Variants in HERC1 observed in about 807,000 individuals in gnomAD.
The protein encoded by HERC1 is probable E3 ubiquitin-protein ligase HERC1.
HERC1 carries 160 observed loss-of-function variants against 554.3 expected under a neutral mutation model. That is an observed-to-expected ratio of 0.29 (90% CI 0.25 to 0.33). The LOEUF is 0.33. Among genes scored for constraint, HERC1 ranks in the 10% least tolerant of loss-of-function variants. HERC1 has a pLI of 1.00. For synonymous variants in HERC1, 2,175 were observed against 2,131.7 expected (o/e 1.02, Z -0.56); for missense variants, 4,919 against 5,918.5 (o/e 0.83, Z 5.54).
intron 1 of HERC1, among the ~76,000 whole-genome samples, chr15:63,795,249 G>A (rs1354776892): frequency 6.6e-6 from 1 of 151,896 alleles, no homozygotes; most frequent in East Asian, 1.9e-4. Flanking sequence ...AGTTACTAAA[G>A]CTTGCCTTTT....
chr15:63,729,312 G>A lies in HERC1; in HGVS notation c.3078C>T (p.Ala1026=). Residue 1026 remains alanine, a synonymous_variant, in exon 16 of 78, where the codon GCC becomes GCT. Coordinates refer to ENST00000443617, the MANE Select transcript of HERC1 (RefSeq NM_003922.4). ...HKHLQLLLPH[A]TDIYSRSANL... is the part of the protein sequence containing the mutation. Reference sequence around the variant, plus strand: ...TTGCAGAACGTGAATAAATATCTGTGGCATGAGGCAACAAAAGCTGAAGAT... The same window carrying A: ...TTGCAGAACGTGAATAAATATCTGTAGCATGAGGCAACAAAAGCTGAAGAT... 2.5e-6 allele frequency: 4 copies of A among 1,611,186 alleles called. No individual in the cohort carries two copies. The highest frequency in any genetic ancestry group is 3.4e-6 in the Non-Finnish European group (4 of 1,178,580).
At chr15:63,619,891 CTTT>C (rs1297071057) in intron 74 of HERC1, among the ~76,000 whole-genome samples, 3 of 151,932 alleles carry the variant, frequency 2.0e-5, no homozygotes, top group Non-Finnish European at 4.4e-5. Context: ...CTCTTTTCTT[CTTT>C]ATTAGTCTTG....
At chr15:63,766,123 GCTT>G (rs1290652844) in intron 2 of HERC1, among the ~76,000 whole-genome samples, 21 of 151,794 alleles carry the variant, frequency 1.4e-4, no homozygotes, top group Non-Finnish European at 2.5e-4. Context: ...TACTAATAAA[GCTT>G]ATTATTAAGG....
intron 19 of HERC1, 51 bp downstream of exon 19, chr15:63,723,131 G>C: frequency 4.3e-6 from 5 of 1,172,494 alleles, no homozygotes; most frequent in Non-Finnish European, 5.6e-6. Flanking sequence ...ATATATTTGC[G>C]AGCATTATGA....
At chr15:63,643,221 C>G (rs544735222) in intron 58 of HERC1, among the ~76,000 whole-genome samples, 163 bp from the exon 59 acceptor site, 29 of 152,294 alleles carry the variant, frequency 1.9e-4, no homozygotes, top group African/African-American at 7.0e-4. Context: ...TAGGACACAG[C>G]TGATTTTAAA....
At chr15:63,759,936 T>C (rs1162935392) in intron 3 of HERC1, among the ~76,000 whole-genome samples, 1 of 152,176 alleles carries the variant, frequency 6.6e-6, no homozygotes, top group Non-Finnish European at 1.5e-5. Context: ...CAGTCCCTAA[T>C]AAAAGGTCTG....
At chr15:63,731,543 C>T (rs1181620472) in intron 14 of HERC1, among the ~76,000 whole-genome samples, 1 of 152,016 alleles carries the variant, frequency 6.6e-6, no homozygotes, top group Non-Finnish European at 1.5e-5. Context: ...TGTTCTTATC[C>T]ATTTGCAGCC....
At chr15:63,773,705 G>C (rs554121461) in intron 2 of HERC1, among the ~76,000 whole-genome samples, 1 of 151,358 alleles carries the variant, frequency 6.6e-6, no homozygotes, top group African/African-American at 2.4e-5. Flanking sequence ...CACCACACCC[G>C]GATAATTTTT....
At chr15:63,629,428 A>G (rs1474689791) in intron 69 of HERC1, among the ~76,000 whole-genome samples, 1 of 152,254 alleles carries the variant, frequency 6.6e-6, no homozygotes, top group Non-Finnish European at 1.5e-5. Context: ...AAGTAATAAC[A>G]GAATGATCTA....
intron 77 of HERC1, among the ~76,000 whole-genome samples, chr15:63,610,615 G>C (rs1334424223): frequency 1.3e-5 from 2 of 152,194 alleles, no homozygotes; most frequent in African/African-American, 2.4e-5. Flanking sequence ...TTATGGAAAG[G>C]CTCTTTTATA....
chr15:63,771,047 G>C, intron 2 of HERC1, among the ~76,000 whole-genome samples: 1 of 152,064 alleles, frequency 6.6e-6, no homozygotes, highest in East Asian at 1.9e-4. Context: ...AAATTAGCCA[G>C]GCATGATAGC....
At chr15:63,644,651 T>G (rs1308060119) in intron 57 of HERC1, among the ~76,000 whole-genome samples, 1 of 152,226 alleles carries the variant, frequency 6.6e-6, no homozygotes. Context: ...GCAAGGATTC[T>G]GGCATCAGTT....
chr15:63,699,271 A>G (rs1189276571), intron 25 of HERC1, among the ~76,000 whole-genome samples: 2 of 152,232 alleles, frequency 1.3e-5, no homozygotes, highest in African/African-American at 4.8e-5. Flanking sequence ...CACAAGAAAA[A>G]GAAAGGCAGA....
At chr15:63,634,022 TC>T (rs1566957655) in intron 66 of HERC1, 52 bp from the exon 67 acceptor site, 2 of 1,598,072 alleles carry the variant, frequency 1.3e-6, no homozygotes, top group East Asian at 4.5e-5. Context: ...TAAAACACAC[TC>T]CCCCGTTTCT....
chr15:63,723,198 G>C lies in HERC1; in HGVS notation c.3726C>G (p.Asp1242Glu). The change falls in exon 19 of 78, where the codon GAC becomes GAG. Residue 1242 changes from aspartate (D) to glutamate (E), a missense_variant. Around this residue, in one of 11 missense-constraint regions of HERC1, gnomAD observed 1,121 missense variants for 1,244.0 expected, o/e 0.90. Coordinates refer to ENST00000443617, the MANE Select transcript of HERC1 (RefSeq NM_003922.4). The stretch of plus-strand genomic sequence containing the variant: ...TTATCTTACCTTTACTAACAGCATA[G>C]TCCTGCATGCTGATCCAAAGGCTTC... ...PARSLWISMQ[D>E]YAVSKDWDSA... 1 of 1,556,880 alleles carries C rather than the reference G, an allele frequency of 6.4e-7. No homozygotes were observed. Among genetic ancestry groups the C allele is most frequent in the East Asian group, 2.3e-5 (1 of 43,788 alleles).
In HERC1 at chr15:63,690,647, C is replaced by T. The variant is rs761222484; in HGVS notation, c.5831G>A (p.Gly1944Asp). ...LNIASQKCSS[G>D]IPLVGNLRTR... The stretch of plus-strand genomic sequence containing the variant: ...TCTTAAGTTACCAACCAGAGGGATA[C>T]CTGGAGGGGAAAAGACCTTTTCTTA... The change falls in exon 32 of 78, where the codon GGT becomes GAT. Residue 1944 changes from glycine (G) to aspartate (D), a missense_variant and splice_region_variant. Coordinates refer to ENST00000443617, the MANE Select transcript of HERC1 (RefSeq NM_003922.4). The T allele has an allele frequency of 1.3e-6, 2 of 1,560,570 alleles. No individual in the cohort carries two copies. The highest frequency in any genetic ancestry group is 1.4e-5 in the African/African-American group (1 of 73,484).
intron 1 of HERC1, among the ~76,000 whole-genome samples, chr15:63,833,505 ACGTTGTAAGCCGCTGGAGGGG>A (rs1419655182): frequency 6.6e-6 from 1 of 151,958 alleles, no homozygotes; most frequent in Non-Finnish European, 1.5e-5. Context: ...CGGGGCACAG[ACGTTGTAAGCCGCTGGAGGGG>A]CGGGTCTCTC....
At position 63,678,000 on chromosome 15, in the gene HERC1, G is replaced by A. The variant is rs183440649; in HGVS notation, c.6915C>T (p.Pro2305=). The part of the protein sequence containing the change: ...QLRTLCIEVW[P]VLAVIGGVDA... ...CAACTCCTCCTATCACAGCCAGCACGGGCCACACCTCTATGCAAAGAGTCC... is the reference window on the plus strand; with the variant it reads ...CAACTCCTCCTATCACAGCCAGCACAGGCCACACCTCTATGCAAAGAGTCC... Residue 2305 remains proline (P), a synonymous_variant, in exon 37 of 78, where the codon CCC becomes CCT. Transcript: ENST00000443617. The surrounding 1 kb of genome is among the most constrained non-coding windows in gnomAD (Gnocchi z 4.4). The A allele has an allele frequency of 1.4e-5, 23 of 1,613,884 alleles. No homozygotes were observed. The highest frequency in any genetic ancestry group is 1.1e-4 in the East Asian group (5 of 44,876).
chr15:63,783,050 T>C (rs1272541923), intron 1 of HERC1, among the ~76,000 whole-genome samples: 1 of 152,248 alleles, frequency 6.6e-6, no homozygotes, highest in African/African-American at 2.4e-5. Flanking sequence ...CTGGTGAAGA[T>C]GCTGTGAATA....
Sources: gnomAD v4.1 joint callset for allele counts (sites outside exome capture counted in the v4.1 genomes callset) on GRCh38, gnomAD v4.1.1 for gene constraint, gnomAD v4.1.1 regional missense constraint, Gnocchi (gnomAD v3.1) non-coding constraint, MANE v1.5 for transcripts, NCBI Gene and HGNC (gene_info 2026-07-23, HGNC 2026-07-21) for gene names.